Variants in FMN1 observed in about 807,000 individuals in gnomAD.
FMN1 encodes the protein formin 1.
A neutral mutation model predicts 132.4 loss-of-function variants in FMN1; 110 were observed. That is an observed-to-expected ratio of 0.83 (90% CI 0.71 to 0.97). FMN1 has a LOEUF of 0.97. Among genes scored for constraint, FMN1 ranks in the 50% least tolerant of loss-of-function variants. FMN1 has a pLI of 0.00. For synonymous variants in FMN1, 722 were observed against 651.7 expected (o/e 1.11, Z -1.64); for missense variants, 1,792 against 1,705.3 (o/e 1.05, Z -0.90).
At chr15:33,067,908 A>T (rs780953235) in intron 5 of FMN1, 1 of 1,583,500 alleles carries the variant, frequency 6.3e-7, no homozygotes, top group East Asian at 2.2e-5. Context: ...CCTTGGTGGA[A>T]GTTCTGACTT....
At chr15:33,139,331 G>T (rs12901350) in intron 4 of FMN1, among the ~76,000 whole-genome samples, 4 of 152,020 alleles carry the variant, frequency 2.6e-5, no homozygotes, top group East Asian at 1.9e-4. Context: ...GCACGGTGGC[G>T]CACGCCTGTA....
At chr15:32,813,031 C>T (rs530102832) in intron 17 of FMN1, among the ~76,000 whole-genome samples, 1 of 152,096 alleles carries the variant, frequency 6.6e-6, no homozygotes, top group African/African-American at 2.4e-5. Context: ...AACATATACA[C>T]GCTTTTTTTT....
At chr15:32,913,861 C>T (rs2060621029) in intron 10 of FMN1, among the ~76,000 whole-genome samples, 1 of 152,128 alleles carries the variant, frequency 6.6e-6, no homozygotes, top group South Asian at 2.1e-4. Flanking sequence ...CATACGACTC[C>T]TGAAGACTGA....
chr15:33,128,238 A>G (rs547959097), intron 4 of FMN1, among the ~76,000 whole-genome samples: 2 of 151,840 alleles, frequency 1.3e-5, no homozygotes, highest in South Asian at 4.1e-4. Context: ...CAAAGACCAT[A>G]ATTTCCAACA....
Position 32,769,900 on chromosome 15 carries a change from A to C in FMN1, c.*4410T>G, listed in dbSNP as rs1030906177. On this transcript the variant is annotated 3_prime_UTR_variant, in exon 21 of 21. Coordinates refer to ENST00000616417, the MANE Select transcript of FMN1 (RefSeq NM_001277313.2). ...AGTGGAAGCTTTTTCTTTCCTCTCC[A>C]CTTTTTGGCCATTTTTGTTTTTATT... 4 of 151,948 alleles carry C rather than the reference A, an allele frequency of 2.6e-5. No individual in the cohort carries two copies. The highest frequency in any genetic ancestry group is 6.5e-5 in the Admixed American group (1 of 15,270). The allele number at this position is 151,948 out of a possible 1,614,324, so 9.4% of individuals were successfully genotyped here. A position where few individuals can be genotyped will look rare whatever the true frequency, so the allele number is the denominator to read the frequency against.
chr15:33,000,612 CTT>C (rs763056422), intron 7 of FMN1, among the ~76,000 whole-genome samples: 1 of 152,066 alleles, frequency 6.6e-6, no homozygotes, highest in Non-Finnish European at 1.5e-5. Flanking sequence ...GAAACTCCAT[CTT>C]TACAAAAACA....
At chr15:33,118,936 C>T (rs573911224) in intron 4 of FMN1, among the ~76,000 whole-genome samples, 1 of 149,792 alleles carries the variant, frequency 6.7e-6, no homozygotes, top group Non-Finnish European at 1.5e-5. Flanking sequence ...AAAAATTAGA[C>T]ACATAAATTC....
At chr15:32,808,797 T>C (rs1343325782) in intron 17 of FMN1, among the ~76,000 whole-genome samples, 3 of 152,202 alleles carry the variant, frequency 2.0e-5, no homozygotes, top group African/African-American at 4.8e-5. Flanking sequence ...CTTTTTGGCA[T>C]GGTTATCACA....
At chr15:32,882,859 T>G (rs1258337563) in intron 16 of FMN1, among the ~76,000 whole-genome samples, 4 of 152,242 alleles carry the variant, frequency 2.6e-5, no homozygotes, top group Admixed American at 2.0e-4. Flanking sequence ...AACACTTTCT[T>G]AAATTCTCTT....
intron 4 of FMN1, among the ~76,000 whole-genome samples, chr15:33,123,587 T>C (rs894036569): frequency 2.6e-5 from 4 of 152,146 alleles, no homozygotes; most frequent in South Asian, 2.1e-4. Flanking sequence ...AAGTCTAACA[T>C]ATGGTATGGG....
At chr15:32,944,387 C>T (rs1323345532) in intron 9 of FMN1, among the ~76,000 whole-genome samples, 1 of 152,200 alleles carries the variant, frequency 6.6e-6, no homozygotes, top group Non-Finnish European at 1.5e-5. Context: ...GCCTGGTAGG[C>T]CTCTGGGAAG....
Position 32,884,791 on chromosome 15 carries a change from A to T in FMN1, c.3835+3381T>A, listed in dbSNP as rs188676573. Among the ~76,000 whole-genome samples, 66 of 152,346 alleles carry T rather than the reference A, an allele frequency of 4.3e-4. 1 individual carries two copies. The highest frequency in any genetic ancestry group is 8.7e-4 in the Non-Finnish European group (59 of 68,026). On this transcript the variant is annotated intron_variant, in intron 16 of 20. Transcript: ENST00000616417. ...TGTAGAACAATAAACAAAATATGGA[A>T]CATGTTCCCAAGCACCAAGAACTTG...
At chr15:33,041,864 A>G (rs1448832566) in intron 6 of FMN1, among the ~76,000 whole-genome samples, 1 of 152,176 alleles carries the variant, frequency 6.6e-6, no homozygotes, top group African/African-American at 2.4e-5. Context: ...ATATGAACAT[A>G]CACTACTGAA....
intron 16 of FMN1, among the ~76,000 whole-genome samples, chr15:32,867,749 C>T (rs1369103291): frequency 1.3e-5 from 2 of 152,192 alleles, no homozygotes; most frequent in African/African-American, 2.4e-5. Context: ...CCTCGGCCTC[C>T]CAAAGTGCTG....
intron 17 of FMN1, among the ~76,000 whole-genome samples, chr15:32,808,776 T>C (rs1278078823): frequency 6.6e-6 from 1 of 152,346 alleles, no homozygotes; most frequent in East Asian, 1.9e-4. Flanking sequence ...GTCACTACTC[T>C]AGCTTTCTGA....
intron 16 of FMN1, among the ~76,000 whole-genome samples, chr15:32,881,783 G>C (rs2059777047): frequency 2.6e-5 from 4 of 152,142 alleles, no homozygotes; most frequent in Non-Finnish European, 5.9e-5. Context: ...AGGAAGCATA[G>C]CTCACCCTCT....
At position 32,969,125 on chromosome 15, in the gene FMN1, C is replaced by G; in HGVS notation, c.2576G>C (p.Gly859Ala). 7 of 1,613,370 alleles carry G rather than the reference C, an allele frequency of 4.3e-6. No homozygotes were observed. Among genetic ancestry groups the G allele is most frequent in the Non-Finnish European group, 5.9e-6 (7 of 1,179,512 alleles). The change falls in exon 8 of 21, where the codon GGC (glycine) becomes GCC (alanine). Residue 859 changes from glycine (G) to alanine (A), a missense_variant. Around this residue, in one of 3 missense-constraint regions of FMN1, gnomAD observed 1,150 missense variants for 1,043.1 expected, o/e 1.10. Coordinates refer to ENST00000616417, the MANE Select transcript of FMN1 (RefSeq NM_001277313.2). ...DIHAALQPME[G>A]MASNQQKALP... The stretch of plus-strand genomic sequence containing the variant: ...TGCCTTCTGCTGATTTGATGCCATG[C>G]CCTCCATTGGCTGGAGTGCTGCATG...
chr15:33,079,312 ATTCT>A (rs2141315354), intron 5 of FMN1, among the ~76,000 whole-genome samples: 1 of 152,350 alleles, frequency 6.6e-6, no homozygotes, highest in African/African-American at 2.4e-5. Flanking sequence ...CAAGCTTTTT[ATTCT>A]TTTTATTTTA....
At chr15:32,776,569 G>A (rs1373604579) in intron 20 of FMN1, among the ~76,000 whole-genome samples, 2 of 152,154 alleles carry the variant, frequency 1.3e-5, no homozygotes, top group African/African-American at 2.4e-5. Context: ...TGTACTGCGG[G>A]TAGGGTGTGG....
Sources: allele counts gnomAD v4.1 joint callset (sites outside exome capture counted in the v4.1 genomes callset), GRCh38; gene constraint gnomAD v4.1.1; regional missense constraint gnomAD v4.1.1; transcripts MANE v1.5; gene names NCBI Gene and HGNC (gene_info 2026-07-23, HGNC 2026-07-21).